GRID1: variants seen among roughly 807,000 people sequenced by gnomAD.
GRID1 encodes glutamate receptor ionotropic, delta-1.
Under a neutral mutation model 98.0 loss-of-function variants are expected in GRID1, and 28 were observed. That is an observed-to-expected ratio of 0.29 (90% CI 0.21 to 0.39). The LOEUF (loss-of-function observed/expected upper bound fraction) is 0.39, where lower values mean the gene tolerates loss of function less well. Ranked by LOEUF, GRID1 falls within the 10% of genes least tolerant of loss-of-function variation. The pLI is 1.00. For synonymous variants in GRID1, 553 were observed against 538.5 expected, an observed-to-expected ratio of 1.03 and a Z score of -0.37; for missense variants, 1,111 against 1,340.5, an observed-to-expected ratio of 0.83 and a Z score of 2.67.
intron 12 of GRID1, among the ~76,000 whole-genome samples, chr10:85,663,055 A>G (rs1477051487): frequency 6.6e-6 from 1 of 152,046 alleles, no homozygotes; most frequent in African/African-American, 2.4e-5. Flanking sequence ...CTCACATTCC[A>G]CATCTTGGGG....
At chr10:85,870,070 CT>C (rs1228895422) in intron 5 of GRID1, among the ~76,000 whole-genome samples, 1 of 152,122 alleles carries the variant, frequency 6.6e-6, no homozygotes, top group Non-Finnish European at 1.5e-5. Flanking sequence ...CTGGGTGTGT[CT>C]GTGAGGGTGT....
chr10:85,646,527 T>C (rs1172487760), intron 13 of GRID1: 1 of 153,086 alleles, frequency 6.5e-6, no homozygotes, highest in East Asian at 1.9e-4. Flanking sequence ...AAGAGGATAA[T>C]GCTGAATTCG....
intron 4 of GRID1, among the ~76,000 whole-genome samples, chr10:86,088,729 A>G (rs1309276415): frequency 1.3e-5 from 2 of 152,182 alleles, no homozygotes; most frequent in African/African-American, 2.4e-5. Flanking sequence ...GAAAACAAAC[A>G]TAAGAAGAGT....
intron 4 of GRID1, among the ~76,000 whole-genome samples, chr10:86,006,415 T>C (rs1003132717): frequency 2.6e-5 from 4 of 152,118 alleles, no homozygotes; most frequent in Admixed American, 6.5e-5. Flanking sequence ...GGTCAAGAGA[T>C]CGAGACCATT....
Position 85,647,205 on chromosome 10 carries a change from C to A in GRID1, c.2190G>T (p.Arg730Ser). Residue 730 changes from arginine to serine, a missense_variant, in exon 13 of 16, where the codon AGG becomes AGT. By Grantham distance (110) the Arg-to-Ser change is moderately radical. Around this residue, in one of 3 missense-constraint regions of GRID1, gnomAD observed 762 missense variants for 869.1 expected, o/e 0.88. Transcript: ENST00000327946. Reference protein sequence around the residue: ...NCVSSPSEGIRKAKKGNYAFL... With the variant: ...NCVSSPSEGISKAKKGNYAFL... ...CCAAGCGCCAGCTCCTGCCTACCTT[C>A]CTGATGCCTTCTGAAGGACTGGACA... The A allele has an allele frequency of 6.2e-7, 1 of 1,614,046 alleles. No homozygotes were observed. Among genetic ancestry groups the A allele is most frequent in the Non-Finnish European group, 8.5e-7 (1 of 1,179,850 alleles).
chr10:85,695,452 T>A lies in GRID1; in HGVS notation c.1997+27551A>T, dbSNP rs895070451. On this transcript the variant is annotated intron_variant, in intron 12 of 15. Coordinates refer to ENST00000327946, the MANE Select transcript of GRID1 (RefSeq NM_017551.3). ...TAAGCCTGAACAGGAATACAAATTT[T>A]ACAGCCAGGTTGTGCATATGGATGA... 5.3e-5 allele frequency among the ~76,000 whole-genome samples: 8 copies of A among 152,332 alleles called. No individual in the cohort carries two copies. The East Asian group carries it at 1.5e-3, about 29-fold the overall frequency.
chr10:85,677,226 C>T (rs549094591), intron 12 of GRID1, among the ~76,000 whole-genome samples: 1 of 152,270 alleles, frequency 6.6e-6, no homozygotes, highest in East Asian at 1.9e-4. Flanking sequence ...TAAAGTGGGA[C>T]TCAGGTAGGT....
intron 2 of GRID1, among the ~76,000 whole-genome samples, chr10:86,270,628 T>G (rs1847170830): frequency 6.6e-6 from 1 of 152,144 alleles, no homozygotes; most frequent in African/African-American, 2.4e-5. Flanking sequence ...AGGCAGAGGT[T>G]GCAGTGAGCC....
At chr10:86,312,213 C>T (rs980164828) in intron 2 of GRID1, among the ~76,000 whole-genome samples, 12 of 152,360 alleles carry the variant, frequency 7.9e-5, no homozygotes, top group African/African-American at 2.6e-4. Context: ...GCCCAGATGA[C>T]ATCAGAGTCA....
chr10:86,204,098 G>C (rs1249992901), intron 3 of GRID1, among the ~76,000 whole-genome samples: 2 of 152,162 alleles, frequency 1.3e-5, no homozygotes, highest in African/African-American at 4.8e-5. Flanking sequence ...GGAGATTCTG[G>C]GTGGAGGAAA....
intron 4 of GRID1, among the ~76,000 whole-genome samples, chr10:86,039,945 A>C (rs190786379): frequency 6.6e-6 from 1 of 152,298 alleles, no homozygotes; most frequent in African/African-American, 2.4e-5. Context: ...AGTGGTAATT[A>C]TCTGTCAACT....
chr10:85,898,416 T>A (rs993335206), intron 5 of GRID1, among the ~76,000 whole-genome samples: 3 of 152,162 alleles, frequency 2.0e-5, no homozygotes, highest in Admixed American at 6.5e-5. Context: ...ATTTTTAAAA[T>A]TTTTCTTCAA....
At chr10:85,987,381 C>A (rs1367254549) in intron 4 of GRID1, among the ~76,000 whole-genome samples, 1 of 146,834 alleles carries the variant, frequency 6.8e-6, no homozygotes, top group African/African-American at 2.5e-5. Context: ...CTCCTCCAAG[C>A]CTTACCTTCC....
At chr10:86,362,402 C>T (rs1022564394) in intron 2 of GRID1, among the ~76,000 whole-genome samples, 2 of 152,140 alleles carry the variant, frequency 1.3e-5, no homozygotes, top group African/African-American at 2.4e-5. Context: ...TGGTGGGACA[C>T]GACCAGACAC....
chr10:86,287,723 A>C (rs60053075), intron 2 of GRID1, among the ~76,000 whole-genome samples: 1 of 151,840 alleles, frequency 6.6e-6, no homozygotes, highest in African/African-American at 2.4e-5. Context: ...TAGTGAAATT[A>C]TTAATTTCAC....
intron 12 of GRID1, among the ~76,000 whole-genome samples, chr10:85,661,005 G>A (rs950621909): frequency 6.6e-6 from 1 of 152,146 alleles, no homozygotes; most frequent in Non-Finnish European, 1.5e-5. Context: ...ATGCCAGTCT[G>A]TGGGAAGCAT....
chr10:85,881,862 T>C (rs555183374), intron 5 of GRID1, among the ~76,000 whole-genome samples: 12 of 152,082 alleles, frequency 7.9e-5, no homozygotes, highest in Non-Finnish European at 1.3e-4. Context: ...AGAAAATTTT[T>C]GCAATCTACT....
intron 12 of GRID1, among the ~76,000 whole-genome samples, chr10:85,675,248 T>C (rs1330785101): frequency 1.3e-5 from 2 of 152,166 alleles, no homozygotes; most frequent in Non-Finnish European, 2.9e-5. Context: ...CCAGGAGGGA[T>C]TGATGAGGCA....
chr10:85,736,092 AG>A, intron 8 of GRID1, among the ~76,000 whole-genome samples: 3 of 133,022 alleles, frequency 2.3e-5, no homozygotes, highest in Non-Finnish European at 4.8e-5. Flanking sequence ...GAAGGAAGGA[AG>A]GAAGGAGAGA....
Sources: gnomAD v4.1 joint callset for allele counts (sites outside exome capture counted in the v4.1 genomes callset) on GRCh38, gnomAD v4.1.1 for gene constraint, gnomAD v4.1.1 regional missense constraint, MANE v1.5 for transcripts, NCBI Gene and HGNC (gene_info 2026-07-23, HGNC 2026-07-21) for gene names.